The following PARD3 variants were observed in gnomAD, a reference collection of about 807,000 sequenced individuals.
The protein encoded by PARD3 is partitioning defective 3 homolog.
In PARD3, 75 loss-of-function variants were observed where a neutral mutation model predicts 155.4. That is an observed-to-expected ratio of 0.48 (90% CI 0.40 to 0.58). The LOEUF is 0.58. PARD3 is among the 20% of genes least tolerant of loss of function. The pLI is 0.00. For missense variants in PARD3, 1,642 were observed against 1,721.7 expected (o/e 0.95, Z 0.82); for synonymous variants, 576 against 610.5 (o/e 0.94, Z 0.83).
chr10:34,793,640 G>C (rs1841926640), intron 1 of PARD3, among the ~76,000 whole-genome samples: 1 of 152,144 alleles, frequency 6.6e-6, no homozygotes, highest in Admixed American at 6.5e-5. Flanking sequence ...TGCAAAATTA[G>C]CTGGGCGTGG....
chr10:34,700,906 CG>C (rs2094262717), intron 1 of PARD3, among the ~76,000 whole-genome samples: 1 of 151,932 alleles, frequency 6.6e-6, no homozygotes, highest in Non-Finnish European at 1.5e-5. Flanking sequence ...ACCTGGGAGG[CG>C]GAGGTTGCAG....
At chr10:34,732,144 T>C (rs1417592897) in intron 1 of PARD3, among the ~76,000 whole-genome samples, 1 of 152,140 alleles carries the variant, frequency 6.6e-6, no homozygotes, top group African/African-American at 2.4e-5. Context: ...ATGCACTCTT[T>C]CAACCTGAGA....
chr10:34,321,992 T>C (rs1958410889), intron 19 of PARD3, among the ~76,000 whole-genome samples: 1 of 152,160 alleles, frequency 6.6e-6, no homozygotes, highest in African/African-American at 2.4e-5. Context: ...ATGCTACTGT[T>C]GATACTATAA....
intron 1 of PARD3, among the ~76,000 whole-genome samples, chr10:34,745,930 C>G (rs900019016): frequency 6.6e-6 from 1 of 152,074 alleles, no homozygotes; most frequent in Non-Finnish European, 1.5e-5. Context: ...GAAACCCCGC[C>G]TCTACTAAAA....
At chr10:34,575,668 G>A (rs1194214017) in intron 2 of PARD3, among the ~76,000 whole-genome samples, 2 of 152,106 alleles carry the variant, frequency 1.3e-5, no homozygotes, top group African/African-American at 4.8e-5. Context: ...GGCCAAGGTG[G>A]GCAGATCACC....
chr10:34,506,157 T>A (rs935100001), intron 3 of PARD3, among the ~76,000 whole-genome samples: 1 of 151,700 alleles, frequency 6.6e-6, no homozygotes, highest in South Asian at 2.1e-4. Flanking sequence ...AAAAAAGAAA[T>A]ACTGATGACA....
In PARD3 at chr10:34,665,360, AAC is replaced by A. The variant is rs1491303191; in HGVS notation, c.222+30956_222+30957del. Among the ~76,000 whole-genome samples, 102 of 119,222 alleles carry A rather than the reference AAC, an allele frequency of 8.6e-4. 1 individual carries two copies. The highest frequency in any genetic ancestry group is 3.8e-3 in the Middle Eastern group (1 of 262). The allele number at this position is 119,222 out of a possible 152,430, so 78.2% of individuals were successfully genotyped here. On this transcript the variant is annotated intron_variant, in intron 2 of 24. Coordinates refer to ENST00000374788, the MANE Select transcript of PARD3 (RefSeq NM_001184785.2). ...AGCCCTGTATCTGCTGAAAAAAACA[AAC>A]AAAAAAAAATAGCCAGGCGTGGTGG...
intron 2 of PARD3, among the ~76,000 whole-genome samples, chr10:34,695,890 C>T (rs773069602): frequency 4.6e-5 from 7 of 152,274 alleles, no homozygotes; most frequent in African/African-American, 1.7e-4. Flanking sequence ...CACGGTGCAC[C>T]GCCAAGGCCA....
intron 2 of PARD3, among the ~76,000 whole-genome samples, chr10:34,519,027 C>T (rs11009810): frequency 0.029 from 4,433 of 152,176 alleles, 220 homozygotes; most frequent in African/African-American, 0.1. Flanking sequence ...AAATGTATAA[C>T]GTCCATCTAA....
chr10:34,297,760 C>T (rs1391633548), intron 20 of PARD3, among the ~76,000 whole-genome samples: 4 of 152,222 alleles, frequency 2.6e-5, no homozygotes, highest in African/African-American at 7.2e-5. Flanking sequence ...CCGAGGCCAC[C>T]TGGCTTCAGA....
chr10:34,798,637 A>G (rs56259405), intron 1 of PARD3, among the ~76,000 whole-genome samples: 52,458 of 149,540 alleles, frequency 0.35, 10,342 homozygotes, highest in African/African-American at 0.55. Flanking sequence ...CCCGGGAGGC[A>G]GAGGTTGCAG....
intron 3 of PARD3, among the ~76,000 whole-genome samples, chr10:34,504,111 A>G (rs73263307): frequency 2.4e-4 from 36 of 152,176 alleles, no homozygotes; most frequent in African/African-American, 7.9e-4. Flanking sequence ...CAAGCCATGC[A>G]GTATACACAC....
chr10:34,251,270 C>T (rs1209184371), intron 22 of PARD3, among the ~76,000 whole-genome samples: 2 of 152,174 alleles, frequency 1.3e-5, no homozygotes, highest in Admixed American at 6.5e-5. Flanking sequence ...AATATCATAC[C>T]CATGCAAAAA....
chr10:34,497,371 A>T (rs2080364434), intron 3 of PARD3, among the ~76,000 whole-genome samples: 1 of 152,224 alleles, frequency 6.6e-6, no homozygotes, highest in South Asian at 2.1e-4. Flanking sequence ...TAAAGTGTAC[A>T]AGAGGATGTG....
At chr10:34,177,512 A>ATCTT (rs1437404693) in intron 22 of PARD3, among the ~76,000 whole-genome samples, 2 of 152,234 alleles carry the variant, frequency 1.3e-5, no homozygotes, top group Admixed American at 6.5e-5. Flanking sequence ...TAGACAAAGT[A>ATCTT]ATTAAGAAGA....
At chr10:34,540,344 A>AT (rs2083517374) in intron 2 of PARD3, among the ~76,000 whole-genome samples, 1 of 150,410 alleles carries the variant, frequency 6.6e-6, no homozygotes, top group Admixed American at 6.6e-5. Flanking sequence ...AAAAAAAAAA[A>AT]TGCCAAACAT....
chr10:34,224,824 A>T (rs971734856), intron 22 of PARD3, among the ~76,000 whole-genome samples: 5 of 152,162 alleles, frequency 3.3e-5, no homozygotes, highest in African/African-American at 1.2e-4. Context: ...CTTATCCATC[A>T]TCCTGTTCAA....
intron 22 of PARD3, among the ~76,000 whole-genome samples, chr10:34,200,868 T>C (rs1325386189): frequency 6.6e-6 from 1 of 152,238 alleles, no homozygotes; most frequent in Non-Finnish European, 1.5e-5. Context: ...TCAATGAATG[T>C]AGCTGTTCCT....
At chr10:34,142,185 A>G (rs1267454681) in intron 22 of PARD3, among the ~76,000 whole-genome samples, 1 of 152,154 alleles carries the variant, frequency 6.6e-6, no homozygotes, top group Non-Finnish European at 1.5e-5. Flanking sequence ...ACATAGATTT[A>G]AGCAAGTAAA....
Sources: allele counts gnomAD v4.1 joint callset (sites outside exome capture counted in the v4.1 genomes callset), GRCh38; gene constraint gnomAD v4.1.1; transcripts MANE v1.5; gene names NCBI Gene and HGNC (gene_info 2026-07-23, HGNC 2026-07-21).